Variants in SLC4A7 observed in about 807,000 individuals in gnomAD.
SLC4A7 encodes solute carrier family 4 member 7.
SLC4A7 carries 51 observed loss-of-function variants against 137.6 expected under a neutral mutation model. That is an observed-to-expected ratio of 0.37 (90% CI 0.30 to 0.47). The LOEUF (loss-of-function observed/expected upper bound fraction) is 0.47, where lower values mean the gene tolerates loss of function less well. Among genes scored for constraint, SLC4A7 ranks in the 20% least tolerant of loss-of-function variants. SLC4A7 has a pLI of 1.00. For missense variants in SLC4A7, 1,247 were observed against 1,525.4 expected, an observed-to-expected ratio of 0.82 and a Z score of 3.04; for synonymous variants, 542 against 518.6, an observed-to-expected ratio of 1.05 and a Z score of -0.61.
chr3:27,402,359 A>G (rs930233278), intron 15 of SLC4A7, among the ~76,000 whole-genome samples: 2 of 151,944 alleles, frequency 1.3e-5, no homozygotes, highest in African/African-American at 4.8e-5. Flanking sequence ...TTTTTTTATC[A>G]AAACGAAAAC....
intron 11 of SLC4A7, among the ~76,000 whole-genome samples, chr3:27,413,473 A>T (rs13100751): frequency 6.6e-6 from 1 of 152,054 alleles, no homozygotes; most frequent in African/African-American, 2.4e-5. Context: ...AAATCTATAA[A>T]CCAATCTACA....
intron 7 of SLC4A7, chr3:27,428,144 T>C (rs924211484): frequency 1.3e-5 from 2 of 152,826 alleles, no homozygotes; most frequent in Admixed American, 1.3e-4. Flanking sequence ...TACTTCTGAA[T>C]AATTATTTTT....
At chr3:27,405,939 G>A (rs1045712493) in intron 13 of SLC4A7, among the ~76,000 whole-genome samples, 3 of 152,264 alleles carry the variant, frequency 2.0e-5, no homozygotes, top group Non-Finnish European at 4.4e-5. Context: ...GATTAGCTAT[G>A]CCACTAGAAA....
chr3:27,424,294 T>C (rs533985972), intron 7 of SLC4A7, 142 bp from the exon 8 acceptor site: 142 of 483,912 alleles, frequency 2.9e-4, no homozygotes, highest in African/African-American at 2.7e-3. Context: ...CCGGTGTTAG[T>C]AACATACCAG....
At chr3:27,446,088 T>C (rs2057605284) in intron 3 of SLC4A7, among the ~76,000 whole-genome samples, 1 of 147,884 alleles carries the variant, frequency 6.8e-6, no homozygotes, top group Non-Finnish European at 1.5e-5. Context: ...GATGTGTTAA[T>C]TAACTTGATT....
At chr3:27,456,119 T>C (rs1325084895) in intron 1 of SLC4A7, among the ~76,000 whole-genome samples, 2 of 152,166 alleles carry the variant, frequency 1.3e-5, no homozygotes, top group Non-Finnish European at 2.9e-5. Context: ...AGCAAAGTAT[T>C]AGAAAAAAAG....
chr3:27,468,658 G>A (rs917327251), intron 1 of SLC4A7, among the ~76,000 whole-genome samples: 2 of 152,028 alleles, frequency 1.3e-5, no homozygotes, highest in Non-Finnish European at 2.9e-5. Flanking sequence ...CACTTACTAC[G>A]CTGGGCAGAT....
chr3:27,400,321 C>T (rs1055580702), intron 16 of SLC4A7, among the ~76,000 whole-genome samples: 1 of 152,150 alleles, frequency 6.6e-6, no homozygotes, highest in Non-Finnish European at 1.5e-5. Flanking sequence ...TTAACTTAGA[C>T]ATTAGGACAT....
intron 21 of SLC4A7, among the ~76,000 whole-genome samples, chr3:27,390,817 G>T (rs1256797414): frequency 6.6e-6 from 1 of 151,826 alleles, no homozygotes; most frequent in Non-Finnish European, 1.5e-5. Context: ...CGTTTTTTTT[G>T]TGTGTGTTTG....
chr3:27,438,237 T>G (rs1023486072), intron 3 of SLC4A7, among the ~76,000 whole-genome samples: 2 of 150,158 alleles, frequency 1.3e-5, no homozygotes, highest in African/African-American at 4.9e-5. Flanking sequence ...CCGGGCACAG[T>G]GGCTCACGCC....
chr3:27,474,292 A>G (rs2059377438), intron 1 of SLC4A7, among the ~76,000 whole-genome samples: 1 of 152,184 alleles, frequency 6.6e-6, no homozygotes. Flanking sequence ...TTTGTTATCA[A>G]TAACAAATCT....
intron 15 of SLC4A7, among the ~76,000 whole-genome samples, chr3:27,402,624 G>C (rs1281330653): frequency 1.3e-5 from 2 of 151,870 alleles, no homozygotes; most frequent in Non-Finnish European, 2.9e-5. Flanking sequence ...ACTTGAACCT[G>C]GGAGGCAGAG....
At chr3:27,479,717 AAT>A (rs1263549816) in intron 1 of SLC4A7, among the ~76,000 whole-genome samples, 4 of 152,246 alleles carry the variant, frequency 2.6e-5, no homozygotes, top group Admixed American at 2.0e-4. Context: ...ATAGAGGTAA[AAT>A]TCACTGCTTA....
chr3:27,466,914 A>C (rs1289628585), intron 1 of SLC4A7, among the ~76,000 whole-genome samples: 2 of 152,194 alleles, frequency 1.3e-5, no homozygotes, highest in African/African-American at 4.8e-5. Flanking sequence ...TTAGAAATAT[A>C]AGTTGGGAAG....
intron 3 of SLC4A7, among the ~76,000 whole-genome samples, chr3:27,442,444 T>G (rs897476363): frequency 1.3e-5 from 2 of 148,172 alleles, no homozygotes; most frequent in Non-Finnish European, 3.0e-5. Flanking sequence ...TCATTTTCTT[T>G]TTTTTTTTTT....
chr3:27,431,724 G>A lies in SLC4A7; in HGVS notation c.779-55C>T. 2.1e-6 allele frequency: 3 copies of A among 1,458,074 alleles called. No individual in the cohort carries two copies. The East Asian group carries it at 7.2e-5, about 35-fold the overall frequency. 90.3% of individuals were successfully genotyped at this position (1,458,074 alleles called of 1,614,324 possible). A position where few individuals can be genotyped will look rare whatever the true frequency, so the allele number is the denominator to read the frequency against. ...TGAAGTCCACTGCAGAAGGCAAATAGAGACATTTAAAAAAAAATCAATTTA... is the reference window on the plus strand; with the variant it reads ...TGAAGTCCACTGCAGAAGGCAAATAAAGACATTTAAAAAAAAATCAATTTA... On this transcript the variant is annotated intron_variant, in intron 6 of 25. Coordinates refer to ENST00000454389, the MANE Select transcript of SLC4A7 (RefSeq NM_001321103.2).
Position 27,403,318 on chromosome 3 carries a change from A to C in SLC4A7, c.2142T>G (p.Ile714Met). 1 of 1,613,614 alleles carries C rather than the reference A, an allele frequency of 6.2e-7. No individual in the cohort carries two copies. Among genetic ancestry groups the C allele is most frequent in the Non-Finnish European group, 8.5e-7 (1 of 1,179,594 alleles). ...TGCTTGCATCTGTTGCAACCAAAAC[A>C]ATGCACAAAAAAGAAGTCCACAGAC... is the stretch of plus-strand genomic sequence containing the variant. ...SIGLWTSFLC[I>M]VLVATDASSL... is the part of the protein sequence containing the mutation. Residue 714 changes from isoleucine (I) to methionine (M), a missense_variant, in exon 15 of 26, where the codon ATT becomes ATG. Coordinates refer to ENST00000454389, the MANE Select transcript of SLC4A7 (RefSeq NM_001321103.2).
intron 3 of SLC4A7, among the ~76,000 whole-genome samples, chr3:27,438,588 AATAAAATAAC>A (rs2056933523): frequency 6.9e-6 from 1 of 145,810 alleles, no homozygotes; most frequent in Non-Finnish European, 1.5e-5. Context: ...AATAACATAA[AATAAAATAAC>A]ATAACATAAA....
intron 21 of SLC4A7, 62 bp downstream of exon 21, chr3:27,391,678 A>G (rs1008053425): frequency 1.0e-6 from 1 of 975,908 alleles, no homozygotes; most frequent in African/African-American, 1.7e-5. Context: ...TCATTAAAAC[A>G]ATCTTTGCAT....
Sources: allele counts gnomAD v4.1 joint callset (sites outside exome capture counted in the v4.1 genomes callset), GRCh38; gene constraint gnomAD v4.1.1; transcripts MANE v1.5; gene names NCBI Gene and HGNC (gene_info 2026-07-23, HGNC 2026-07-21).